ARNT: variants seen among roughly 807,000 people sequenced by gnomAD.
ARNT encodes class E basic helix-loop-helix protein 2.
In ARNT, 30 loss-of-function variants were observed where a neutral mutation model predicts 105.0. The ratio of observed to expected loss-of-function variants is 0.29; its 90% CI spans 0.21 to 0.39. The LOEUF is 0.39. Ranked by LOEUF, ARNT falls within the 10% of genes least tolerant of loss-of-function variation. The pLI is 1.00. For synonymous variants in ARNT, 304 were observed against 344.0 expected (o/e 0.88, Z 1.29); for missense variants, 748 against 978.7 (o/e 0.76, Z 3.15).
chr1:150,836,403 C>T lies in ARNT; in HGVS notation c.577G>A (p.Val193Met), dbSNP rs774247572. 4.7e-5 allele frequency: 76 copies of T among 1,613,984 alleles called. No homozygotes were observed. Among genetic ancestry groups the T allele is most frequent in the Middle Eastern group, 3.3e-4 (2 of 6,084 alleles). The change falls in exon 7 of 22, where the codon GTG (valine) becomes ATG (methionine). Residue 193 changes from valine (V) to methionine (M), a missense_variant. Transcript: ENST00000358595. ...TGTGGCTGGTTCAAAACAGGAGTCA[C>T]GGAGTCAGACACATACACCACCCTG... The part of the protein sequence containing the change: ...TGRVVYVSDS[V>M]TPVLNQPQSE...
At chr1:150,873,128 C>G in intron 1 of ARNT, among the ~76,000 whole-genome samples, 1 of 145,096 alleles carries the variant, frequency 6.9e-6, no homozygotes, top group South Asian at 2.2e-4. Flanking sequence ...ACTAAAAATA[C>G]AAAAAAAAAA....
chr1:150,837,898 C>T (rs1660601995), intron 6 of ARNT, among the ~76,000 whole-genome samples: 1 of 151,882 alleles, frequency 6.6e-6, no homozygotes, highest in South Asian at 2.1e-4. Context: ...ATATTCTTAA[C>T]AGCATCCTCC....
At chr1:150,823,918 C>CTA (rs1657655085) in intron 13 of ARNT, among the ~76,000 whole-genome samples, 1 of 151,004 alleles carries the variant, frequency 6.6e-6, no homozygotes, top group South Asian at 2.1e-4. Flanking sequence ...TCTCGGCTCA[C>CTA]TACAACCTCC....
intron 14 of ARNT, 56 bp from the exon 15 acceptor site, chr1:150,818,086 G>C (rs1401460558): frequency 5.0e-6 from 6 of 1,189,462 alleles, no homozygotes; most frequent in East Asian, 4.8e-5. Context: ...AGGGGGGAGA[G>C]AGAGAGAAAG....
intron 10 of ARNT, 56 bp from the exon 11 acceptor site, chr1:150,830,036 A>G (rs1659068990): frequency 3.2e-6 from 5 of 1,582,770 alleles, no homozygotes; most frequent in Admixed American, 1.7e-5. Context: ...AAATGCCTTC[A>G]AAACTCAGAC....
At chr1:150,812,301 T>C (rs1654897527) in intron 21 of ARNT, among the ~76,000 whole-genome samples, 191 bp from the exon 22 acceptor site, 1 of 152,188 alleles carries the variant, frequency 6.6e-6, no homozygotes, top group Non-Finnish European at 1.5e-5. Flanking sequence ...CCCTTCTGTC[T>C]TCCTCCTACA....
At chr1:150,876,172 T>C (rs902484628) in intron 1 of ARNT, among the ~76,000 whole-genome samples, 2 of 152,236 alleles carry the variant, frequency 1.3e-5, no homozygotes, top group Non-Finnish European at 2.9e-5. Context: ...CGAGACACTC[T>C]GCCTACAGTT....
intron 16 of ARNT, 41 bp from the exon 17 acceptor site, chr1:150,817,243 C>A (rs1222617417): frequency 1.2e-6 from 2 of 1,613,010 alleles, no homozygotes; most frequent in Non-Finnish European, 1.7e-6. Context: ...AAAGATTTAA[C>A]ATGACAATTC....
intron 6 of ARNT, among the ~76,000 whole-genome samples, 166 bp from the exon 7 acceptor site, chr1:150,836,659 C>T (rs975996619): frequency 2.6e-5 from 4 of 152,198 alleles, no homozygotes; most frequent in African/African-American, 9.7e-5. Context: ...TGTAGTTCAT[C>T]GATAAGAAAG....
At chr1:150,874,503 G>A (rs1403800571) in intron 1 of ARNT, among the ~76,000 whole-genome samples, 1 of 152,134 alleles carries the variant, frequency 6.6e-6, no homozygotes, top group Non-Finnish European at 1.5e-5. Context: ...GGGCAACATA[G>A]CAAGGCATCT....
intron 1 of ARNT, among the ~76,000 whole-genome samples, chr1:150,860,218 CTTT>C (rs756996050): frequency 8.9e-6 from 1 of 112,986 alleles, no homozygotes. Context: ...AAAAAAAATT[CTTT>C]TTTTTTTTTT....
chr1:150,834,630 C>T lies in ARNT; in HGVS notation c.711G>A (p.Leu237=), dbSNP rs150106367. Residue 237 remains leucine, a synonymous_variant, in exon 8 of 22, where the codon CTG becomes CTA. Coordinates refer to ENST00000358595, the MANE Select transcript of ARNT (RefSeq NM_001668.4). ...TSENALTGRI[L]DLKTGTVKKE... Reference sequence around the variant, plus strand: ...TTTTCACTGTTCCAGTCTTTAGATCCAGGATACGCCCTGAAGGAAGATGTG... The same window carrying T: ...TTTTCACTGTTCCAGTCTTTAGATCTAGGATACGCCCTGAAGGAAGATGTG... The T allele has an allele frequency of 6.2e-7, 1 of 1,613,860 alleles. No homozygotes were observed.
In ARNT at chr1:150,818,001, A is replaced by T; in HGVS notation, c.1424T>A (p.Leu475His). 3.7e-6 allele frequency: 6 copies of T among 1,611,434 alleles called. No homozygotes were observed. The highest frequency in any genetic ancestry group is 5.1e-6 in the Non-Finnish European group (6 of 1,179,284). The change falls in exon 15 of 22, where the codon CTC becomes CAC. Residue 475 changes from leucine to histidine, a missense_variant. Leu to His is a moderately conservative substitution (Grantham distance 99). Transcript: ENST00000358595. ...KNSSQEPRPT[L>H]SNTIQRPQLG... The stretch of plus-strand genomic sequence containing the variant: ...TTGTGGCCTCTGGATTGTGTTGGAG[A>T]GTGTAGGCCGTGGTTCTTGGCTAGA...
intron 3 of ARNT, among the ~76,000 whole-genome samples, 200 bp downstream of exon 3, chr1:150,852,562 C>T (rs1049444938): frequency 1.3e-5 from 2 of 152,094 alleles, no homozygotes; most frequent in Admixed American, 6.6e-5. Context: ...TTTGTAAATG[C>T]CGTCCTCTCC....
intron 3 of ARNT, among the ~76,000 whole-genome samples, chr1:150,851,127 G>A (rs1470410647): frequency 4.7e-5 from 7 of 149,418 alleles, no homozygotes; most frequent in South Asian, 2.1e-4. Flanking sequence ...ATCTCCGCCC[G>A]GCAGCCGCCC....
intron 1 of ARNT, among the ~76,000 whole-genome samples, chr1:150,861,904 A>T (rs1313221417): frequency 2.0e-5 from 3 of 152,216 alleles, no homozygotes; most frequent in Admixed American, 6.5e-5. Flanking sequence ...TTTAAGTTAG[A>T]TTATTTTGCC....
chr1:150,813,427 C>T lies in ARNT; in HGVS notation c.2114-89G>A, dbSNP rs587742698. The T allele has an allele frequency of 5.7e-5, 77 of 1,350,214 alleles. No individual in the cohort carries two copies. The African/African-American group carries it at 1.0e-3, about 18-fold the overall frequency. 83.6% of individuals were successfully genotyped at this position (1,350,214 alleles called of 1,614,324 possible). Reference sequence around the variant, plus strand: ...CACAAGTAAACAACTATAGGTAAGCCATTAATTTTACCTAGGATAACTCTG... The same window carrying T: ...CACAAGTAAACAACTATAGGTAAGCTATTAATTTTACCTAGGATAACTCTG... On this transcript the variant is annotated intron_variant, in intron 20 of 21. Transcript: ENST00000358595.
At chr1:150,862,636 G>A (rs1161283945) in intron 1 of ARNT, among the ~76,000 whole-genome samples, 1 of 149,758 alleles carries the variant, frequency 6.7e-6, no homozygotes. Context: ...AGCACTTTGG[G>A]AGGTCAAGGC....
At chr1:150,872,504 C>A (rs1007802723) in intron 1 of ARNT, among the ~76,000 whole-genome samples, 3 of 152,342 alleles carry the variant, frequency 2.0e-5, no homozygotes, top group East Asian at 1.9e-4. Flanking sequence ...AAAAAGAATT[C>A]TCTGCTAATG....
Sources: gnomAD v4.1 joint callset for allele counts (sites outside exome capture counted in the v4.1 genomes callset) on GRCh38, gnomAD v4.1.1 for gene constraint, MANE v1.5 for transcripts, NCBI Gene and HGNC (gene_info 2026-07-23, HGNC 2026-07-21) for gene names.